PCLO: variants seen among roughly 807,000 people sequenced by gnomAD.
PCLO encodes the protein piccolo presynaptic cytomatrix protein.
PCLO carries 82 observed loss-of-function variants against 427.5 expected under a neutral mutation model. The ratio of observed to expected loss-of-function variants is 0.19; its 90% CI spans 0.16 to 0.23. PCLO has a LOEUF of 0.23. Among genes scored for constraint, PCLO ranks in the 10% least tolerant of loss-of-function variants. The pLI is 1.00. For synonymous variants in PCLO, 2,357 were observed against 2,155.4 expected (o/e 1.09, Z -2.59); for missense variants, 6,239 against 6,115.9 (o/e 1.02, Z -0.67).
chr7:83,101,693 C>T (rs528444209), intron 3 of PCLO, among the ~76,000 whole-genome samples: 16 of 152,184 alleles, frequency 1.1e-4, no homozygotes, highest in South Asian at 4.1e-4. Context: ...ATTTCAGTGC[C>T]GCAGTGGCTG....
Position 82,896,268 on chromosome 7 carries a change from A to G in PCLO, c.13528+6383T>C, listed in dbSNP as rs1584115758. On this transcript the variant is annotated intron_variant, in intron 9 of 24. Coordinates refer to ENST00000333891, the MANE Select transcript of PCLO (RefSeq NM_033026.6). ...ATATGGGAGAAAATCTCACGGAAAA[A>G]CAAAATGTTGACTTTTTAAACAATG... 2.6e-5 allele frequency among the ~76,000 whole-genome samples: 4 copies of G among 151,834 alleles called. No homozygotes were observed. In the South Asian group the frequency reaches 6.2e-4, roughly 24 times the overall value.
chr7:82,999,420 T>C (rs1787723575), intron 3 of PCLO, among the ~76,000 whole-genome samples: 1 of 123,596 alleles, frequency 8.1e-6, no homozygotes. Flanking sequence ...TTATATAATA[T>C]ATTATATATT....
chr7:82,853,354 C>T lies in PCLO; in HGVS notation c.13655-6107G>A, dbSNP rs112533017. 6.2e-3 allele frequency among the ~76,000 whole-genome samples: 946 copies of T among 152,106 alleles called. 3 individuals carry two copies. Among genetic ancestry groups the T allele is most frequent in the Non-Finnish European group, 8.1e-3 (551 of 67,978 alleles). ...ATCCTATTCTATGGGTACCCTTAGA[C>T]ACACTCTGTTTCCCTGATGTACATG... On this transcript the variant is annotated intron_variant, in intron 10 of 24. Coordinates refer to ENST00000333891, the MANE Select transcript of PCLO (RefSeq NM_033026.6).
chr7:83,059,747 A>G (rs2116309754), intron 3 of PCLO, among the ~76,000 whole-genome samples: 1 of 152,256 alleles, frequency 6.6e-6, no homozygotes, highest in South Asian at 2.1e-4. Context: ...CAGGGAGGTC[A>G]GGTAGAAATC....
Position 82,953,562 on chromosome 7 carries a change from G to A in PCLO, c.7391C>T (p.Thr2464Ile), listed in dbSNP as rs757456824. The change falls in exon 5 of 25, where the codon ACC (threonine) becomes ATC (isoleucine). Residue 2464 changes from threonine (T) to isoleucine (I), a missense_variant. Transcript: ENST00000333891. ...TCCATTACTTCTCAGAACAGCTGTG[G>A]TCTCTAGAGTAGTAACAGCATCAAA... ...PLFDAVTTLE[T>I]TAVLRSNGLP... 1.2e-6 allele frequency: 2 copies of A among 1,612,478 alleles called. No individual in the cohort carries two copies. The highest frequency in any genetic ancestry group is 1.3e-5 in the African/African-American group (1 of 74,706).
At chr7:83,114,948 AT>A (rs1165048949) in intron 3 of PCLO, among the ~76,000 whole-genome samples, 1 of 152,108 alleles carries the variant, frequency 6.6e-6, no homozygotes, top group Non-Finnish European at 1.5e-5. Flanking sequence ...TAGTACTTAG[AT>A]AATACCTGCA....
intron 3 of PCLO, among the ~76,000 whole-genome samples, chr7:82,967,840 C>T (rs1261152305): frequency 2.6e-5 from 4 of 152,018 alleles, no homozygotes. Flanking sequence ...TAATTGTTAC[C>T]ACTGAATGTG....
At chr7:83,045,825 G>A (rs1173093420) in intron 3 of PCLO, among the ~76,000 whole-genome samples, 1 of 152,046 alleles carries the variant, frequency 6.6e-6, no homozygotes, top group Non-Finnish European at 1.5e-5. Flanking sequence ...TATCACCAAT[G>A]GGGATTCTAA....
At chr7:83,010,866 T>A (rs929131505) in intron 3 of PCLO, among the ~76,000 whole-genome samples, 1 of 152,040 alleles carries the variant, frequency 6.6e-6, no homozygotes, top group Non-Finnish European at 1.5e-5. Context: ...TTGCTTGACA[T>A]CTGGTCTAGT....
intron 3 of PCLO, among the ~76,000 whole-genome samples, chr7:82,969,721 T>C (rs1795859418): frequency 6.6e-6 from 1 of 152,060 alleles, no homozygotes; most frequent in South Asian, 2.1e-4. Context: ...AAAGTGCATA[T>C]GCAAAGGTTA....
At chr7:82,998,793 CAAAACAAAAACA>C (rs771206947) in intron 3 of PCLO, among the ~76,000 whole-genome samples, 3 of 151,378 alleles carry the variant, frequency 2.0e-5, no homozygotes, top group African/African-American at 7.3e-5. Context: ...TACTCAAAGA[CAAAACAAAAACA>C]AAAACAAAAA....
Position 82,966,501 on chromosome 7 carries a change from A to T in PCLO, c.3301-14T>A. ...CCATTCTTGAATCTGTGGGAAAAAA[A>T]TTACAATGAACAGATTGAATGTATT... On this transcript the variant is annotated splice_polypyrimidine_tract_variant and intron_variant, in intron 3 of 24. Transcript: ENST00000333891. 6.8e-7 allele frequency: 1 copy of T among 1,475,480 alleles called. No individual in the cohort carries two copies. Among genetic ancestry groups the T allele is most frequent in the Non-Finnish European group, 9.2e-7 (1 of 1,086,082 alleles). The allele number at this position is 1,475,480 out of a possible 1,614,324, so 91.4% of individuals were successfully genotyped here. A position where few individuals can be genotyped will look rare whatever the true frequency, so the allele number is the denominator to read the frequency against.
intron 3 of PCLO, among the ~76,000 whole-genome samples, chr7:83,003,297 T>A (rs978539085): frequency 6.6e-6 from 1 of 151,694 alleles, no homozygotes; most frequent in Admixed American, 6.6e-5. Context: ...TAAAATAAAC[T>A]AGAATTTTGA....
At chr7:83,112,145 C>T (rs1318227131) in intron 3 of PCLO, among the ~76,000 whole-genome samples, 1 of 152,150 alleles carries the variant, frequency 6.6e-6, no homozygotes, top group Non-Finnish European at 1.5e-5. Context: ...GCAACCTCTG[C>T]TTCCCGGGTT....
chr7:82,836,559 T>C (rs1411245148), intron 15 of PCLO, among the ~76,000 whole-genome samples: 1 of 152,164 alleles, frequency 6.6e-6, no homozygotes, highest in African/African-American at 2.4e-5. Flanking sequence ...TTCAATAAAG[T>C]AAAACTAGAG....
At chr7:82,838,081 T>C (rs1792272826) in intron 15 of PCLO, 137 bp downstream of exon 15, 1 of 646,540 alleles carries the variant, frequency 1.5e-6, no homozygotes, top group African/African-American at 1.9e-5. Flanking sequence ...TAATTGGAAA[T>C]AAATAAATAT....
chr7:83,127,261 T>C (rs1264007165), intron 3 of PCLO, among the ~76,000 whole-genome samples: 1 of 152,046 alleles, frequency 6.6e-6, no homozygotes, highest in Non-Finnish European at 1.5e-5. Flanking sequence ...TAATGTTTAG[T>C]GAAAAAAAAT....
Position 83,092,345 on chromosome 7 carries a change from T to A in PCLO, c.3300+41905A>T, listed in dbSNP as rs77687436. On this transcript the variant is annotated intron_variant, in intron 3 of 24. Transcript: ENST00000333891. ...ACCTTAAGCCATTATCCCTTATTCA[T>A]ATATAGCCCAGAATTGACAACTACT... 3.5e-3 allele frequency among the ~76,000 whole-genome samples: 539 copies of A among 152,278 alleles called. 2 individuals carry two copies. The highest frequency in any genetic ancestry group is 0.012 in the African/African-American group (495 of 41,554).
intron 3 of PCLO, among the ~76,000 whole-genome samples, chr7:83,092,759 C>A (rs754130205): frequency 2.6e-5 from 4 of 151,874 alleles, no homozygotes; most frequent in African/African-American, 4.8e-5. Flanking sequence ...ACCAGCCTGG[C>A]CAACATGGTG....
Sources: allele counts gnomAD v4.1 joint callset (sites outside exome capture counted in the v4.1 genomes callset), GRCh38; gene constraint gnomAD v4.1.1; transcripts MANE v1.5; gene names NCBI Gene and HGNC (gene_info 2026-07-23, HGNC 2026-07-21).